Variants in PDE4D observed in about 807,000 individuals in gnomAD.
PDE4D encodes phosphodiesterase 4D.
Under a neutral mutation model 87.4 loss-of-function variants are expected in PDE4D, and 24 were observed. The ratio of observed to expected loss-of-function variants is 0.27; its 90% CI spans 0.20 to 0.39. The LOEUF is 0.39. PDE4D is among the 10% of genes least tolerant of loss of function. The probability of loss-of-function intolerance (pLI) is 1.00; values close to 1 mark genes in which losing one functional copy is unlikely to be tolerated. For synonymous variants in PDE4D, 384 were observed against 383.2 expected (o/e 1.00, Z -0.02); for missense variants, 714 against 1,041.0 (o/e 0.69, Z 4.32).
At chr5:59,998,829 A>G (rs1763758816) in intron 2 of PDE4D, among the ~76,000 whole-genome samples, 1 of 152,172 alleles carries the variant, frequency 6.6e-6, no homozygotes, top group Non-Finnish European at 1.5e-5. Context: ...TTTCTTATAT[A>G]AGAACTTAGT....
Position 59,942,220 on chromosome 5 carries a change from TTTTA to T in PDE4D, c.272+46264_272+46267del, listed in dbSNP as rs1199861688. ...TCCAGAGGATTTAAGTGCTTGGAGT[TTTTA>T]TTTGTTTGATCATAGTTTTCACTAG... is the stretch of plus-strand genomic sequence containing the variant. On this transcript the variant is annotated intron_variant, in intron 3 of 16. Coordinates refer to the PDE4D transcript ENST00000502484. Among the ~76,000 whole-genome samples, 5 of 152,294 alleles carry T rather than the reference TTTTA, an allele frequency of 3.3e-5. No homozygotes were observed. In the East Asian group the frequency reaches 9.7e-4, roughly 29 times the overall value.
chr5:59,771,548 A>AAGAAAGAAAGAG (rs1301300595), intron 1 of PDE4D, among the ~76,000 whole-genome samples: 1 of 139,504 alleles, frequency 7.2e-6, no homozygotes, highest in African/African-American at 3.4e-5. Flanking sequence ...GAAAGAAAGA[A>AAGAAAGAAAGAG]AGAAAAGAAA....
At chr5:60,362,447 G>T (rs1426423644) in intron 1 of PDE4D, among the ~76,000 whole-genome samples, 2 of 152,202 alleles carry the variant, frequency 1.3e-5, no homozygotes, top group Non-Finnish European at 2.9e-5. Context: ...GTAACAATAA[G>T]GATGATGATT....
At chr5:59,533,561 C>T (rs16889925) in intron 1 of PDE4D, among the ~76,000 whole-genome samples, 5,333 of 152,198 alleles carry the variant, frequency 0.035, 265 homozygotes, top group East Asian at 0.11. Context: ...CAGTGTTTGG[C>T]GACAACAAAG....
upstream of PDE4D, among the ~76,000 whole-genome samples, chr5:59,898,256 T>C (rs1460126401): frequency 6.6e-6 from 1 of 152,204 alleles, no homozygotes; most frequent in Non-Finnish European, 1.5e-5. Context: ...ATTCCACTTG[T>C]CAGCTCAAGG....
chr5:60,453,093 G>A (rs149561172), intron 1 of PDE4D, among the ~76,000 whole-genome samples: 226 of 152,198 alleles, frequency 1.5e-3, no homozygotes, highest in African/African-American at 5.0e-3. Context: ...TACCTTTGCT[G>A]TTTAATTATC....
chr5:59,528,758 C>G (rs1813618468), intron 1 of PDE4D: 1 of 182,616 alleles, frequency 5.5e-6, no homozygotes, highest in Admixed American at 6.0e-5. Flanking sequence ...ATAATGGTAG[C>G]CAAGTTAAGG....
chr5:60,363,858 G>A (rs893181244), intron 1 of PDE4D, among the ~76,000 whole-genome samples: 2 of 152,194 alleles, frequency 1.3e-5, no homozygotes, highest in Non-Finnish European at 2.9e-5. Context: ...GATGATGTTG[G>A]AGAGAAAGGC....
intron 1 of PDE4D, among the ~76,000 whole-genome samples, chr5:60,194,064 A>C (rs1331254980): frequency 1.3e-5 from 2 of 151,488 alleles, no homozygotes; most frequent in African/African-American, 2.4e-5. Context: ...CCTCTTGTAA[A>C]AAGTAAATTA....
intron 1 of PDE4D, among the ~76,000 whole-genome samples, chr5:59,478,006 G>A (rs907878255): frequency 4.0e-5 from 6 of 151,836 alleles, no homozygotes; most frequent in African/African-American, 2.4e-5. Context: ...ACACATGGAC[G>A]GAAACATGGG....
At chr5:59,060,210 G>A (rs1762931551) in intron 5 of PDE4D, among the ~76,000 whole-genome samples, 1 of 152,072 alleles carries the variant, frequency 6.6e-6, no homozygotes, top group East Asian at 1.9e-4. Context: ...TAGCAACAGA[G>A]GCTACACCTC....
chr5:60,135,761 C>T (rs574419835), intron 2 of PDE4D, among the ~76,000 whole-genome samples: 1 of 152,222 alleles, frequency 6.6e-6, no homozygotes, highest in African/African-American at 2.4e-5. Flanking sequence ...GAGTGCATAT[C>T]CTTTCAGGAC....
intron 5 of PDE4D, among the ~76,000 whole-genome samples, chr5:59,090,549 A>G (rs1768515275): frequency 6.6e-6 from 1 of 152,136 alleles, no homozygotes; most frequent in African/African-American, 2.4e-5. Flanking sequence ...ACACAGACAT[A>G]CTGGCATGAG....
intron 1 of PDE4D, among the ~76,000 whole-genome samples, chr5:59,594,723 A>C (rs1461423069): frequency 6.6e-6 from 1 of 152,172 alleles, no homozygotes; most frequent in Non-Finnish European, 1.5e-5. Flanking sequence ...CAAAGAACAC[A>C]GTTTAAAGAG....
chr5:59,270,406 T>C lies in PDE4D; in HGVS notation c.456-54438A>G, dbSNP rs1269951507. 2.0e-5 allele frequency among the ~76,000 whole-genome samples: 3 copies of C among 152,182 alleles called. No homozygotes were observed. The East Asian group carries it at 5.8e-4, about 29-fold the overall frequency. The stretch of plus-strand genomic sequence containing the variant: ...CTTAGATGTCATACAAAATCTGATA[T>C]GTACTACTTGTTTCCAACCTGAAGC... On this transcript the variant is annotated intron_variant, in intron 1 of 14. Transcript: ENST00000340635.
At chr5:59,645,257 A>C (rs186197152) in intron 1 of PDE4D, among the ~76,000 whole-genome samples, 3 of 152,274 alleles carry the variant, frequency 2.0e-5, no homozygotes, top group African/African-American at 4.8e-5. Context: ...GGAAGGGTGA[A>C]GCTTCAGGGC....
chr5:59,406,367 G>A (rs1315650295), intron 1 of PDE4D, among the ~76,000 whole-genome samples: 3 of 140,560 alleles, frequency 2.1e-5, no homozygotes, highest in East Asian at 2.2e-4. Context: ...TGCTTGTAAC[G>A]TCTCCCTTAT....
At chr5:59,565,871 A>G (rs372908252) in intron 1 of PDE4D, among the ~76,000 whole-genome samples, 1 of 152,304 alleles carries the variant, frequency 6.6e-6, no homozygotes, top group African/African-American at 2.4e-5. Context: ...AGAGTACATG[A>G]GTAGTGGGGA....
chr5:59,669,933 T>C (rs1746917056), intron 1 of PDE4D, among the ~76,000 whole-genome samples: 1 of 152,202 alleles, frequency 6.6e-6, no homozygotes, highest in African/African-American at 2.4e-5. Context: ...CTTAATTGTA[T>C]AGTTATGATT....
Sources: allele counts gnomAD v4.1 joint callset (sites outside exome capture counted in the v4.1 genomes callset), GRCh38; gene constraint gnomAD v4.1.1; transcripts MANE v1.5; gene names NCBI Gene and HGNC (gene_info 2026-07-23, HGNC 2026-07-21).